The following RAPGEF1 variants were observed in gnomAD, a reference collection of about 807,000 sequenced individuals.
RAPGEF1 encodes the protein Rap guanine nucleotide exchange factor 1, also known as CRK SH3-binding GNRP.
Under a neutral mutation model 143.3 loss-of-function variants are expected in RAPGEF1, and 33 were observed. The ratio of observed to expected loss-of-function variants is 0.23; its 90% CI spans 0.17 to 0.31. The LOEUF is 0.31. RAPGEF1 is among the 10% of genes least tolerant of loss of function. The pLI, the probability that RAPGEF1 is intolerant of heterozygous loss-of-function variation, is 1.00. For synonymous variants in RAPGEF1, 629 were observed against 676.5 expected, an observed-to-expected ratio of 0.93 and a Z score of 1.09; for missense variants, 1,199 against 1,645.4, an observed-to-expected ratio of 0.73 and a Z score of 4.69.
At chr9:131,594,833 G>T (rs1417908195) in intron 17 of RAPGEF1, among the ~76,000 whole-genome samples, 1 of 152,208 alleles carries the variant, frequency 6.6e-6, no homozygotes, top group Non-Finnish European at 1.5e-5. Context: ...GCCACAGCTG[G>T]CTGTACCCGA....
chr9:131,635,462 C>T (rs984236271), intron 5 of RAPGEF1, among the ~76,000 whole-genome samples: 20 of 151,926 alleles, frequency 1.3e-4, no homozygotes, highest in Non-Finnish European at 2.4e-4. Flanking sequence ...GAATGGGTTA[C>T]GTAAACAACG....
At chr9:131,678,231 T>C (rs1001910073) in intron 1 of RAPGEF1, among the ~76,000 whole-genome samples, 6 of 152,246 alleles carry the variant, frequency 3.9e-5, no homozygotes, top group African/African-American at 1.4e-4. Flanking sequence ...CGTTTGGTTC[T>C]AAGTTTCCTA....
chr9:131,608,419 A>G lies in RAPGEF1; in HGVS notation c.2062-3231T>C, dbSNP rs182140845. On this transcript the variant is annotated intron_variant, in intron 12 of 26. Transcript: ENST00000683357. Reference sequence around the variant, plus strand: ...TCTAGAATATTACCTGACTCACAGAAGCGTCTCAGTTTTGAGTGTGGATGG... The same window carrying G: ...TCTAGAATATTACCTGACTCACAGAGGCGTCTCAGTTTTGAGTGTGGATGG... Among the ~76,000 whole-genome samples, 287 of 152,336 alleles carry G rather than the reference A, an allele frequency of 1.9e-3. 3 individuals are homozygous for G. The highest frequency in any genetic ancestry group is 3.1e-3 in the Non-Finnish European group (210 of 68,032).
At chr9:131,697,265 G>C (rs1006061647) in intron 1 of RAPGEF1, among the ~76,000 whole-genome samples, 1 of 151,980 alleles carries the variant, frequency 6.6e-6, no homozygotes, top group African/African-American at 2.4e-5. Flanking sequence ...GCCCAGCTCC[G>C]GGCTCCCTAT....
chr9:131,736,358 T>A (rs1280583420), intron 1 of RAPGEF1, among the ~76,000 whole-genome samples: 1 of 152,146 alleles, frequency 6.6e-6, no homozygotes, highest in African/African-American at 2.4e-5. Context: ...CCACCAGGCC[T>A]CACTTGACAG....
intron 1 of RAPGEF1, among the ~76,000 whole-genome samples, chr9:131,719,024 G>T (rs1023189344): frequency 6.6e-6 from 1 of 152,128 alleles, no homozygotes. Context: ...GTGTGAGACA[G>T]GGTCTCACCA....
chr9:131,731,427 A>C (rs1415215971), intron 1 of RAPGEF1, among the ~76,000 whole-genome samples: 1 of 152,146 alleles, frequency 6.6e-6, no homozygotes, highest in Non-Finnish European at 1.5e-5. Context: ...AAATACAACC[A>C]CTGTTTCCAA....
chr9:131,658,299 T>C (rs1410783594), intron 1 of RAPGEF1, among the ~76,000 whole-genome samples: 2 of 151,872 alleles, frequency 1.3e-5, no homozygotes, highest in Non-Finnish European at 2.9e-5. Context: ...TTGCCAGACA[T>C]GCAAACTTTC....
intron 1 of RAPGEF1, among the ~76,000 whole-genome samples, chr9:131,713,857 C>T (rs1479994292): frequency 6.6e-6 from 1 of 152,088 alleles, no homozygotes; most frequent in Non-Finnish European, 1.5e-5. Context: ...ATGAGAATAG[C>T]TGTCACTGTT....
chr9:131,667,766 C>T lies in RAPGEF1; in HGVS notation c.62-16817G>A, dbSNP rs1030153605. ...CCACGTCTCAGATGGAAGGGAAAGGCCGTCATCTTGTGTGATGCTGAGTCA... is the reference window on the plus strand; with the variant it reads ...CCACGTCTCAGATGGAAGGGAAAGGTCGTCATCTTGTGTGATGCTGAGTCA... On this transcript the variant is annotated intron_variant, in intron 1 of 26. Transcript: ENST00000683357. The surrounding 1 kb of genome is among the most constrained non-coding windows in gnomAD (Gnocchi z 4.6). Among the ~76,000 whole-genome samples the T allele has an allele frequency of 2.6e-5, 4 of 152,192 alleles. No homozygotes were observed. The East Asian group carries it at 7.7e-4, about 29-fold the overall frequency.
chr9:131,648,584 C>T (rs936588589), intron 3 of RAPGEF1, among the ~76,000 whole-genome samples: 8 of 152,106 alleles, frequency 5.3e-5, no homozygotes, highest in African/African-American at 7.2e-5. Flanking sequence ...ATACTACATT[C>T]GGCTACAAGA....
At chr9:131,580,795 C>T (rs1454349450) in intron 25 of RAPGEF1, among the ~76,000 whole-genome samples, 1 of 152,090 alleles carries the variant, frequency 6.6e-6, no homozygotes, top group East Asian at 1.9e-4. Flanking sequence ...CAATGGCTCA[C>T]ACCTGTAATC....
chr9:131,604,881 CA>C, intron 13 of RAPGEF1, 49 bp downstream of exon 13: 1 of 1,245,570 alleles, frequency 8.0e-7, no homozygotes, highest in South Asian at 1.3e-5. Flanking sequence ...GCCCCATGTG[CA>C]GGGGTGTGTG....
At chr9:131,630,569 T>C (rs1010186835) in intron 5 of RAPGEF1, among the ~76,000 whole-genome samples, 1 of 152,240 alleles carries the variant, frequency 6.6e-6, no homozygotes, top group Non-Finnish European at 1.5e-5. Context: ...CACTTCCTCT[T>C]GGAAGGGGAA....
intron 1 of RAPGEF1, among the ~76,000 whole-genome samples, chr9:131,696,149 A>C (rs1324557555): frequency 6.6e-6 from 1 of 152,170 alleles, no homozygotes; most frequent in Non-Finnish European, 1.5e-5. Flanking sequence ...CAAGAGAGAC[A>C]GGCTGGCGGA....
At chr9:131,674,971 T>C (rs934190412) in intron 1 of RAPGEF1, among the ~76,000 whole-genome samples, 1 of 151,996 alleles carries the variant, frequency 6.6e-6, no homozygotes, top group African/African-American at 2.4e-5. Flanking sequence ...CTTGGTCCGG[T>C]TCCCCAGAAG....
rs759404355 is a variant in RAPGEF1 at position 131,621,347 on chromosome 9, G to A, written c.1905+449C>T. Among the ~76,000 whole-genome samples the A allele has an allele frequency of 2.0e-5, 3 of 152,222 alleles. No individual in the cohort carries two copies. The highest frequency in any genetic ancestry group is 2.9e-5 in the Non-Finnish European group (2 of 68,044). ...TTGGGCCCTCCCCGGCCAAGGCTGG[G>A]TTGTAAGTCACTCTACACAGTTAGG... On this transcript the variant is annotated intron_variant, in intron 11 of 26. Transcript: ENST00000683357. This position sits in a 1 kb window ranked among gnomAD's most constrained non-coding sequence, Gnocchi z 4.5.
intron 1 of RAPGEF1, among the ~76,000 whole-genome samples, chr9:131,695,863 A>G (rs1589034443): frequency 2.0e-5 from 3 of 152,348 alleles, no homozygotes; most frequent in East Asian, 3.9e-4. Flanking sequence ...AAAAAAATCA[A>G]TGTAACTCTG....
At chr9:131,736,157 A>G (rs11243494) in intron 1 of RAPGEF1, among the ~76,000 whole-genome samples, 83,776 of 151,920 alleles carry the variant, frequency 0.55, 23,921 homozygotes, top group Non-Finnish European at 0.64. Context: ...TCCAGAACAA[A>G]TCCCTCTGAG....
Sources: gnomAD v4.1 joint callset for allele counts (sites outside exome capture counted in the v4.1 genomes callset) on GRCh38, gnomAD v4.1.1 for gene constraint, Gnocchi (gnomAD v3.1) non-coding constraint, MANE v1.5 for transcripts, NCBI Gene and HGNC (gene_info 2026-07-23, HGNC 2026-07-21) for gene names.